OSBPL8: variants seen among roughly 807,000 people sequenced by gnomAD.
OSBPL8 encodes oxysterol-binding protein-related protein 8.
Under a neutral mutation model 125.5 loss-of-function variants are expected in OSBPL8, and 59 were observed. The ratio of observed to expected loss-of-function variants is 0.47; its 90% CI spans 0.38 to 0.58. OSBPL8 has a LOEUF of 0.58. Ranked by LOEUF, OSBPL8 falls within the 20% of genes least tolerant of loss-of-function variation. The pLI, the probability that OSBPL8 is intolerant of heterozygous loss-of-function variation, is 0.00. For missense variants in OSBPL8, 758 were observed against 1,047.8 expected (o/e 0.72, Z 3.82); for synonymous variants, 330 against 338.9 (o/e 0.97, Z 0.29).
At chr12:76,377,242 A>T (rs1472324195) in intron 16 of OSBPL8, among the ~76,000 whole-genome samples, 1 of 152,144 alleles carries the variant, frequency 6.6e-6, no homozygotes, top group Admixed American at 6.6e-5. Context: ...ACATACGTGT[A>T]CATGTGTCTT....
intron 1 of OSBPL8, among the ~76,000 whole-genome samples, chr12:76,504,849 A>T (rs984692600): frequency 2.0e-5 from 3 of 152,206 alleles, no homozygotes; most frequent in African/African-American, 7.2e-5. Context: ...TTATTATTAT[A>T]GAACCTAAGA....
chr12:76,510,375 C>A (rs1407614465), intron 1 of OSBPL8, among the ~76,000 whole-genome samples: 1 of 152,164 alleles, frequency 6.6e-6, no homozygotes. Context: ...ATATCATCAG[C>A]ATTTTGCCCC....
intron 1 of OSBPL8, among the ~76,000 whole-genome samples, chr12:76,532,430 TTAA>T (rs1478934793): frequency 2.0e-5 from 3 of 152,196 alleles, no homozygotes; most frequent in Non-Finnish European, 4.4e-5. Context: ...TATGAAGTAA[TTAA>T]TAATGAATAC....
rs560191551 is a variant in OSBPL8, at chr12:76,533,924, C to T, written c.-68+25473G>A. On this transcript the variant is annotated intron_variant, in intron 1 of 23. Coordinates refer to ENST00000261183, the MANE Select transcript of OSBPL8 (RefSeq NM_020841.5). ...TAAAATCTCTATCTAGGAAAGCACA[C>T]GATTTAATCGGAAAGACCAAAAATA... 6.6e-5 allele frequency among the ~76,000 whole-genome samples: 10 copies of T among 152,126 alleles called. No individual in the cohort carries two copies. In the South Asian group the frequency reaches 1.2e-3, roughly 19 times the overall value.
At chr12:76,425,274 C>T (rs1870016235) in intron 4 of OSBPL8, among the ~76,000 whole-genome samples, 1 of 152,178 alleles carries the variant, frequency 6.6e-6, no homozygotes, top group Non-Finnish European at 1.5e-5. Context: ...TAATTTACTA[C>T]AGTAGCCCTT....
intron 2 of OSBPL8, among the ~76,000 whole-genome samples, chr12:76,464,969 A>C (rs1050864654): frequency 1.3e-5 from 2 of 152,178 alleles, no homozygotes; most frequent in Non-Finnish European, 2.9e-5. Context: ...CTTCAGAGAG[A>C]GCTATATAGT....
At chr12:76,419,043 C>T (rs1012583770) in intron 4 of OSBPL8, among the ~76,000 whole-genome samples, 1 of 152,100 alleles carries the variant, frequency 6.6e-6, no homozygotes, top group East Asian at 1.9e-4. Flanking sequence ...TGAGACCAAC[C>T]TGGCTAACAT....
intron 2 of OSBPL8, among the ~76,000 whole-genome samples, chr12:76,482,445 C>A (rs1409900855): frequency 6.6e-6 from 1 of 152,142 alleles, no homozygotes; most frequent in Non-Finnish European, 1.5e-5. Flanking sequence ...GAAACCCCGT[C>A]TCTACTAAAA....
chr12:76,414,106 C>A (rs1868346520), intron 4 of OSBPL8, among the ~76,000 whole-genome samples: 2 of 152,150 alleles, frequency 1.3e-5, no homozygotes, highest in Admixed American at 1.3e-4. Flanking sequence ...TATACGGGTA[C>A]AATTTCACTT....
At position 76,383,392 on chromosome 12, in the gene OSBPL8, TAA is replaced by T. The variant is rs35666950; in HGVS notation, c.1630+860_1630+861del. On this transcript the variant is annotated intron_variant, in intron 15 of 23. Transcript: ENST00000261183. ...ATCACCATCTTAAACAAAACAAGGTTAAAAAAAAAAAAACCCAAAACCAAACC... is the reference window on the plus strand; with the variant it reads ...ATCACCATCTTAAACAAAACAAGGTTAAAAAAAAAAACCCAAAACCAAACC... Among the ~76,000 whole-genome samples, 503 of 144,188 alleles carry T rather than the reference TAA, an allele frequency of 3.5e-3. 2 individuals carry two copies. Among genetic ancestry groups the T allele is most frequent in the African/African-American group, 0.011 (432 of 39,520 alleles). The allele number at this position is 144,188 out of a possible 152,430, so 94.6% of individuals were successfully genotyped here.
chr12:76,509,149 C>G (rs1880723337), intron 1 of OSBPL8, among the ~76,000 whole-genome samples: 1 of 152,074 alleles, frequency 6.6e-6, no homozygotes, highest in Non-Finnish European at 1.5e-5. Context: ...ACAGAAATAC[C>G]ATTGTATTAC....
intron 3 of OSBPL8, among the ~76,000 whole-genome samples, chr12:76,455,957 G>A (rs1291102944): frequency 6.6e-6 from 1 of 152,136 alleles, no homozygotes; most frequent in Non-Finnish European, 1.5e-5. Context: ...TCTACTTCAA[G>A]TGGAAGTAAA....
intron 4 of OSBPL8, among the ~76,000 whole-genome samples, chr12:76,448,885 C>T (rs974114125): frequency 7.2e-5 from 11 of 152,064 alleles, no homozygotes; most frequent in Admixed American, 3.3e-4. Flanking sequence ...TGGTGGCATG[C>T]GCCTGTAATT....
At chr12:76,543,189 C>T (rs559896699) in intron 1 of OSBPL8, among the ~76,000 whole-genome samples, 4 of 152,116 alleles carry the variant, frequency 2.6e-5, no homozygotes, top group East Asian at 3.9e-4. Flanking sequence ...AATTTTCAGC[C>T]GCTTACATAG....
chr12:76,396,751 AAAAAACACACATACATACACAAAACCACT>A, intron 8 of OSBPL8, among the ~76,000 whole-genome samples: 1 of 152,116 alleles, frequency 6.6e-6, no homozygotes, highest in African/African-American at 2.4e-5. Context: ...AACCTTGCCT[AAAAAACACACATACATACACAAAACCACT>A]TAAACTTGAT....
chr12:76,486,697 G>A (rs1475027440), intron 2 of OSBPL8, among the ~76,000 whole-genome samples: 1 of 152,216 alleles, frequency 6.6e-6, no homozygotes. Flanking sequence ...ATTCAATTAT[G>A]ATCACAGGGT....
chr12:76,407,280 C>G (rs1282846048), intron 5 of OSBPL8, among the ~76,000 whole-genome samples: 1 of 152,144 alleles, frequency 6.6e-6, no homozygotes, highest in Non-Finnish European at 1.5e-5. Flanking sequence ...GAGACAAGGT[C>G]TCACTTTGTC....
At chr12:76,557,197 T>G (rs1372870739) in intron 1 of OSBPL8, among the ~76,000 whole-genome samples, 3 of 152,264 alleles carry the variant, frequency 2.0e-5, no homozygotes, top group Non-Finnish European at 1.5e-5. Context: ...ACTAGATCTA[T>G]GTACTGTATC....
chr12:76,491,654 C>T (rs1443369189), intron 1 of OSBPL8, among the ~76,000 whole-genome samples: 1 of 152,148 alleles, frequency 6.6e-6, no homozygotes, highest in Non-Finnish European at 1.5e-5. Context: ...AGGACAGAGG[C>T]TATTTTACTG....
Sources: gnomAD v4.1 joint callset for allele counts (sites outside exome capture counted in the v4.1 genomes callset) on GRCh38, gnomAD v4.1.1 for gene constraint, MANE v1.5 for transcripts, NCBI Gene and HGNC (gene_info 2026-07-23, HGNC 2026-07-21) for gene names.